ABHD17C: variants seen among roughly 807,000 people sequenced by gnomAD.
ABHD17C encodes abhydrolase domain containing 17C, depalmitoylase.
A neutral mutation model predicts 27.9 loss-of-function variants in ABHD17C; 11 were observed. The observed-to-expected ratio is 0.39, with a 90% CI of 0.25 to 0.65. The LOEUF (loss-of-function observed/expected upper bound fraction) is 0.65. ABHD17C is among the 30% of genes least tolerant of loss of function. The pLI is 0.45. For missense variants in ABHD17C, 280 were observed against 470.2 expected, an observed-to-expected ratio of 0.60 and a Z score of 3.74; for synonymous variants, 233 against 209.1, an observed-to-expected ratio of 1.11 and a Z score of -0.98.
chr15:80,741,049 GTC>G (rs1895202389), intron 1 of ABHD17C, among the ~76,000 whole-genome samples: 1 of 152,024 alleles, frequency 6.6e-6, no homozygotes, highest in Admixed American at 6.6e-5. Context: ...ACCCTGCCTG[GTC>G]TTGATCCCCT....
intron 1 of ABHD17C, among the ~76,000 whole-genome samples, chr15:80,719,706 T>A (rs1178702330): frequency 6.6e-6 from 1 of 152,160 alleles, no homozygotes; most frequent in Non-Finnish European, 1.5e-5. Flanking sequence ...TGTACTCCAA[T>A]CATGGCTTAA....
rs79300985 is a variant in ABHD17C, at chr15:80,728,268, G to A, written c.591-21245G>A. 2.6e-5 allele frequency among the ~76,000 whole-genome samples: 4 copies of A among 152,162 alleles called. No homozygotes were observed. The South Asian group carries it at 6.2e-4, about 24-fold the overall frequency. ...AGAGTGACTGTATGAACACGTGCAC[G>A]CACACTCACCTACCTACAAACTCAC... is the stretch of plus-strand genomic sequence containing the variant. On this transcript the variant is annotated intron_variant, in intron 1 of 2. Coordinates refer to ENST00000258884, the MANE Select transcript of ABHD17C (RefSeq NM_021214.2).
intron 1 of ABHD17C, among the ~76,000 whole-genome samples, chr15:80,712,889 G>C (rs1462400423): frequency 2.0e-5 from 3 of 151,950 alleles, no homozygotes; most frequent in Middle Eastern, 6.3e-3. Flanking sequence ...TTGTTACTTT[G>C]CCATGTTGTT....
chr15:80,702,886 T>C (rs945517062), intron 1 of ABHD17C: 5 of 152,172 alleles, frequency 3.3e-5, no homozygotes, highest in African/African-American at 1.2e-4. Flanking sequence ...ATCTAAAAGA[T>C]GTGATTCAAA....
chr15:80,695,577 C>T lies in ABHD17C; in HGVS notation c.148C>T (p.Arg50Cys). The T allele has an allele frequency of 1.7e-6, 2 of 1,147,576 alleles. No individual in the cohort carries two copies. Among genetic ancestry groups the T allele is most frequent in the Non-Finnish European group, 2.2e-6 (2 of 928,930 alleles). The allele number at this position is 1,147,576 out of a possible 1,614,324, so 71.1% of individuals were successfully genotyped here. A position where few individuals can be genotyped will look rare whatever the true frequency, so the allele number is the denominator to read the frequency against. Residue 50 changes from arginine to cysteine, a missense_variant, in exon 1 of 3, where the codon CGC becomes TGC. Arg to Cys is a radical substitution (Grantham distance 180, BLOSUM62 -3). Transcript: ENST00000258884. The surrounding 1 kb of genome is among the most constrained non-coding windows in gnomAD (Gnocchi z 4.3). Reference sequence around the variant, plus strand: ...CTACACGGTGCTGGCGCCGGAGCAGCGCGGCGCCGGCGCGTCCGCCCCGGC... The same window carrying T: ...CTACACGGTGCTGGCGCCGGAGCAGTGCGGCGCCGGCGCGTCCGCCCCGGC... The part of the protein sequence containing the change: ...PTYTVLAPEQ[R>C]GAGASAPAPA...
At chr15:80,732,790 A>G (rs12916634) in intron 1 of ABHD17C, among the ~76,000 whole-genome samples, 13,530 of 152,280 alleles carry the variant, frequency 0.089, 809 homozygotes, top group East Asian at 0.16. Context: ...TGCAAAACAC[A>G]TTTAAGGGAG....
chr15:80,745,673 G>T (rs1044795147), intron 1 of ABHD17C, among the ~76,000 whole-genome samples: 4 of 152,106 alleles, frequency 2.6e-5, no homozygotes, highest in African/African-American at 9.7e-5. Context: ...AGCCTTAACA[G>T]CATGACTTTA....
intron 1 of ABHD17C, among the ~76,000 whole-genome samples, chr15:80,721,213 CTT>C (rs71455351): frequency 3.5e-5 from 5 of 143,108 alleles, no homozygotes; most frequent in African/African-American, 5.1e-5. Context: ...CATTTTTTGT[CTT>C]TTTTTTTTTT....
chr15:80,733,562 A>C (rs1025280147), intron 1 of ABHD17C, among the ~76,000 whole-genome samples: 1 of 152,190 alleles, frequency 6.6e-6, no homozygotes, highest in Non-Finnish European at 1.5e-5. Context: ...GGATGCTCCA[A>C]AAAGACAGAA....
intron 1 of ABHD17C, among the ~76,000 whole-genome samples, chr15:80,711,454 G>A (rs969117733): frequency 2.0e-5 from 3 of 152,162 alleles, no homozygotes; most frequent in African/African-American, 7.2e-5. Context: ...CAGGCAGCCC[G>A]CAGGTGATTT....
chr15:80,740,766 A>G (rs1176361403), intron 1 of ABHD17C, among the ~76,000 whole-genome samples: 1 of 152,170 alleles, frequency 6.6e-6, no homozygotes, highest in African/African-American at 2.4e-5. Flanking sequence ...GTGGGACCCA[A>G]GGGCCAGCTG....
rs1234901710 is a variant in ABHD17C, at chr15:80,695,753, G to A, written c.324G>A (p.Glu108=). 3.9e-6 allele frequency: 6 copies of A among 1,536,892 alleles called. No individual in the cohort carries two copies. The highest frequency in any genetic ancestry group is 1.2e-5 in the South Asian group (1 of 84,146). ...CGCAGCGCGAGCTGGACGCCGTCGA[G>A]GTCTTCTTCTCGCGCACGGCCCGGG... ...QYSQRELDAV[E]VFFSRTARDN... is the part of the protein sequence containing the mutation. The change falls in exon 1 of 3, where the codon GAG becomes GAA. Residue 108 remains glutamate (E), a synonymous_variant. Transcript: ENST00000258884. The surrounding 1 kb of genome is among the most constrained non-coding windows in gnomAD (Gnocchi z 4.3).
intron 1 of ABHD17C, among the ~76,000 whole-genome samples, chr15:80,731,266 G>A (rs970958123): frequency 3.9e-5 from 6 of 152,146 alleles, no homozygotes; most frequent in African/African-American, 7.2e-5. Flanking sequence ...CAAATGAAAG[G>A]TACTGCTAAA....
intron 1 of ABHD17C, among the ~76,000 whole-genome samples, chr15:80,726,340 G>T (rs540098020): frequency 6.6e-6 from 1 of 152,158 alleles, no homozygotes; most frequent in Admixed American, 6.5e-5. Context: ...CCAGTTTTGG[G>T]GCCAGTTTAT....
intron 1 of ABHD17C, among the ~76,000 whole-genome samples, chr15:80,710,368 T>C (rs1029141500): frequency 1.1e-4 from 16 of 152,196 alleles, no homozygotes; most frequent in African/African-American, 3.9e-4. Flanking sequence ...GGACTTTGGC[T>C]TTGACAGCAG....
chr15:80,721,002 A>T (rs146949219), intron 1 of ABHD17C, among the ~76,000 whole-genome samples: 3 of 151,748 alleles, frequency 2.0e-5, no homozygotes, highest in Admixed American at 1.3e-4. Context: ...CTTTGGTCTC[A>T]GAGATTTTCT....
chr15:80,754,537 G>A lies in ABHD17C; in HGVS notation c.*167G>A. The stretch of plus-strand genomic sequence containing the variant: ...AAATCTCAGTCTTTTGTATCTAGAG[G>A]TGGTTCTGCTAATTCACACAACACG... On this transcript the variant is annotated 3_prime_UTR_variant, in exon 3 of 3. Coordinates refer to ENST00000258884, the MANE Select transcript of ABHD17C (RefSeq NM_021214.2). 2 of 615,538 alleles carry A rather than the reference G, an allele frequency of 3.2e-6. No individual in the cohort carries two copies. Among genetic ancestry groups the A allele is most frequent in the Non-Finnish European group, 2.8e-6 (1 of 354,356 alleles). The allele number at this position is 615,538 out of a possible 1,614,324, so 38.1% of individuals were successfully genotyped here.
intron 1 of ABHD17C, among the ~76,000 whole-genome samples, chr15:80,736,673 T>G (rs1895134607): frequency 6.6e-6 from 1 of 152,212 alleles, no homozygotes; most frequent in Non-Finnish European, 1.5e-5. Context: ...CACTAGGAAT[T>G]CTAACTCTGA....
intron 1 of ABHD17C, among the ~76,000 whole-genome samples, chr15:80,749,303 C>T (rs1895334287): frequency 6.6e-6 from 1 of 152,128 alleles, no homozygotes. Flanking sequence ...TTGTGGAAGG[C>T]AGAATCATAG....
Sources: allele counts gnomAD v4.1 joint callset (sites outside exome capture counted in the v4.1 genomes callset), GRCh38; gene constraint gnomAD v4.1.1; non-coding constraint Gnocchi (gnomAD v3.1); transcripts MANE v1.5; gene names NCBI Gene and HGNC (gene_info 2026-07-23, HGNC 2026-07-21).